Variants in CPNE8 observed in about 807,000 individuals in gnomAD.
CPNE8 encodes copine 8.
A neutral mutation model predicts 81.5 loss-of-function variants in CPNE8; 45 were observed. The ratio of observed to expected loss-of-function variants is 0.55; its 90% CI spans 0.44 to 0.71. The LOEUF is 0.71. CPNE8 is among the 30% of genes least tolerant of loss of function. The pLI is 0.00. For synonymous variants in CPNE8, 252 were observed against 226.3 expected (o/e 1.11, Z -1.02); for missense variants, 594 against 672.1 (o/e 0.88, Z 1.28).
At chr12:38,703,277 A>C (rs1939996030) in intron 13 of CPNE8, among the ~76,000 whole-genome samples, 1 of 152,118 alleles carries the variant, frequency 6.6e-6, no homozygotes, top group Non-Finnish European at 1.5e-5. Context: ...ATGTTTCCAA[A>C]ATTGTTCTGT....
chr12:38,799,607 A>G (rs1222764190), intron 6 of CPNE8, among the ~76,000 whole-genome samples: 1 of 152,164 alleles, frequency 6.6e-6, no homozygotes, highest in Non-Finnish European at 1.5e-5. Context: ...AAGATCCAAA[A>G]CTGACACCCT....
intron 6 of CPNE8, among the ~76,000 whole-genome samples, chr12:38,787,671 A>G (rs1161722233): frequency 1.3e-5 from 2 of 151,768 alleles, no homozygotes; most frequent in Non-Finnish European, 2.9e-5. Context: ...TAGGTTTTTG[A>G]AAAGTTAAAC....
chr12:38,878,605 C>T lies in CPNE8; in HGVS notation c.99-4094G>A, dbSNP rs111796739. 6.1e-3 allele frequency among the ~76,000 whole-genome samples: 932 copies of T among 152,274 alleles called. 16 individuals are homozygous for T. The highest frequency in any genetic ancestry group is 0.021 in the African/African-American group (872 of 41,536). ...AAGACAGTTTCCCATATAGTAGTTA[C>T]TGAGTAGCCAATATGAATATCACAG... On this transcript the variant is annotated intron_variant, in intron 1 of 19. Transcript: ENST00000331366.
chr12:38,839,877 G>A (rs1943440856), intron 5 of CPNE8, 39 bp downstream of exon 5: 1 of 1,490,458 alleles, frequency 6.7e-7, no homozygotes, highest in Non-Finnish European at 9.1e-7. Context: ...ACTAATCATT[G>A]TATTATAATG....
In CPNE8 at chr12:38,747,734, T is replaced by C; in HGVS notation, c.722+13113A>G. 2.0e-5 allele frequency among the ~76,000 whole-genome samples: 3 copies of C among 152,292 alleles called. No individual in the cohort carries two copies. The South Asian group carries it at 6.2e-4, about 32-fold the overall frequency. On this transcript the variant is annotated intron_variant, in intron 10 of 19. Coordinates refer to ENST00000331366, the MANE Select transcript of CPNE8 (RefSeq NM_153634.3). ...GTAAGTATATACAACATATACTGTA[T>C]TTCAAAGATAGTACATAAGAAAAAT...
intron 6 of CPNE8, among the ~76,000 whole-genome samples, chr12:38,824,230 G>A (rs1943152520): frequency 6.6e-6 from 1 of 151,988 alleles, no homozygotes; most frequent in Non-Finnish European, 1.5e-5. Flanking sequence ...AATAAAATGA[G>A]AAAATCTAAT....
At chr12:38,810,234 T>C (rs1942906032) in intron 6 of CPNE8, among the ~76,000 whole-genome samples, 1 of 152,200 alleles carries the variant, frequency 6.6e-6, no homozygotes, top group Non-Finnish European at 1.5e-5. Context: ...TGAGGACTCA[T>C]TCCACCAGGC....
chr12:38,758,347 A>G (rs977707331), intron 10 of CPNE8, among the ~76,000 whole-genome samples: 1 of 72,188 alleles, frequency 1.4e-5, no homozygotes, highest in Non-Finnish European at 6.4e-5. Flanking sequence ...ATTTTTCCAG[A>G]CAATATACAA....
chr12:38,678,052 C>A (rs1395805609), intron 16 of CPNE8, among the ~76,000 whole-genome samples: 2 of 151,856 alleles, frequency 1.3e-5, no homozygotes, highest in African/African-American at 2.4e-5. Flanking sequence ...ATCATAAGTG[C>A]TTTTGGTTTT....
intron 4 of CPNE8, among the ~76,000 whole-genome samples, chr12:38,844,203 C>G (rs940788098): frequency 2.6e-5 from 4 of 152,102 alleles, no homozygotes; most frequent in African/African-American, 9.7e-5. Context: ...TAAGTCATAT[C>G]TAGACTCAGA....
intron 1 of CPNE8, among the ~76,000 whole-genome samples, chr12:38,886,507 G>A (rs564577426): frequency 6.6e-5 from 10 of 152,298 alleles, no homozygotes; most frequent in East Asian, 5.8e-4. Flanking sequence ...AAATTCATTC[G>A]AAAATATTCA....
At position 38,874,387 on chromosome 12, in the gene CPNE8, C is replaced by G. The variant is rs1386353530; in HGVS notation, c.139+84G>C. On this transcript the variant is annotated intron_variant, in intron 2 of 19. Transcript: ENST00000331366. ...TCCTGTTGCTTTCTAGGCTTTAAAA[C>G]AAACCTTTAAACAAGAACTATGAGT... 2.9e-6 allele frequency: 3 copies of G among 1,035,772 alleles called. No homozygotes were observed. In the African/African-American group the frequency reaches 4.8e-5, roughly 16 times the overall value. 64.2% of individuals were successfully genotyped at this position (1,035,772 alleles called of 1,614,324 possible).
intron 19 of CPNE8, among the ~76,000 whole-genome samples, chr12:38,658,439 G>C (rs1167653082): frequency 6.6e-6 from 1 of 152,176 alleles, no homozygotes; most frequent in Non-Finnish European, 1.5e-5. Flanking sequence ...GTACCTGAAA[G>C]TGACAGGAAA....
chr12:38,715,715 C>T (rs1940370000), intron 13 of CPNE8, among the ~76,000 whole-genome samples: 1 of 151,970 alleles, frequency 6.6e-6, no homozygotes, highest in Non-Finnish European at 1.5e-5. Flanking sequence ...TGAAAGCATT[C>T]CCCCTGAGAA....
At chr12:38,871,986 T>A (rs1943999364) in intron 3 of CPNE8, among the ~76,000 whole-genome samples, 1 of 151,988 alleles carries the variant, frequency 6.6e-6, no homozygotes, top group Non-Finnish European at 1.5e-5. Context: ...AAATACAAAA[T>A]TAGCCGGGCA....
chr12:38,780,850 A>T (rs1267045161), intron 6 of CPNE8, among the ~76,000 whole-genome samples: 1 of 152,106 alleles, frequency 6.6e-6, no homozygotes, highest in African/African-American at 2.4e-5. Flanking sequence ...GAAGTTTCTA[A>T]AGAATGGGTT....
intron 2 of CPNE8, 123 bp from the exon 3 acceptor site, chr12:38,873,173 T>TTA (rs1330607434): frequency 7.9e-5 from 47 of 592,704 alleles, no homozygotes. Context: ...ATTCCTAGAC[T>TTA]TACCCTTGCA....
At chr12:38,718,774 AT>A (rs1555147289) in intron 13 of CPNE8, among the ~76,000 whole-genome samples, 2 of 152,226 alleles carry the variant, frequency 1.3e-5, no homozygotes, top group Non-Finnish European at 2.9e-5. Flanking sequence ...ATGTATTTAC[AT>A]TGCAGCTTTG....
chr12:38,774,444 TA>T (rs1265573660), intron 7 of CPNE8, among the ~76,000 whole-genome samples: 1 of 152,128 alleles, frequency 6.6e-6, no homozygotes, highest in African/African-American at 2.4e-5. Context: ...TAATATAATT[TA>T]AAAAATCATT....
Sources: gnomAD v4.1 joint callset for allele counts (sites outside exome capture counted in the v4.1 genomes callset) on GRCh38, gnomAD v4.1.1 for gene constraint, MANE v1.5 for transcripts, NCBI Gene and HGNC (gene_info 2026-07-23, HGNC 2026-07-21) for gene names.